The following RHOD variants were observed in gnomAD, a reference collection of about 807,000 sequenced individuals.
The protein encoded by RHOD is ras homolog family member D, also known as rho-related GTP-binding protein RhoD.
Under a neutral mutation model 16.7 loss-of-function variants are expected in RHOD, and 11 were observed. That is an observed-to-expected ratio of 0.66 (90% confidence interval 0.41 to 1.09). The LOEUF is 1.09. Ranked by LOEUF, RHOD falls within the 50% of genes least tolerant of loss-of-function variation. RHOD has a pLI of 0.00. For synonymous variants in RHOD, 124 were observed against 126.3 expected (o/e 0.98, Z 0.12); for missense variants, 271 against 291.7 (o/e 0.93, Z 0.52).
intron 1 of RHOD, among the ~76,000 whole-genome samples, chr11:67,061,776 G>A (rs565790267): frequency 2.9e-3 from 343 of 117,444 alleles, no homozygotes; most frequent in African/African-American, 6.1e-3. Context: ...ATATATATAT[G>A]TGTGTGTGTG....
At chr11:67,066,522 C>T (rs1229973574) in intron 2 of RHOD, among the ~76,000 whole-genome samples, 1 of 152,270 alleles carries the variant, frequency 6.6e-6, no homozygotes, top group African/African-American at 2.4e-5. Flanking sequence ...GCCCGTCATC[C>T]CTTCCAGACA....
chr11:67,065,776 C>A, intron 1 of RHOD, 120 bp from the exon 2 acceptor site: 1 of 651,630 alleles, frequency 1.5e-6, no homozygotes, highest in Non-Finnish European at 2.7e-6. Context: ...AAGGAGGAGG[C>A]TTCTCACAAA....
At chr11:67,058,018 A>G (rs1273913976) in intron 1 of RHOD, among the ~76,000 whole-genome samples, 2 of 151,828 alleles carry the variant, frequency 1.3e-5, no homozygotes, top group African/African-American at 4.8e-5. Context: ...TTTTTTGAGA[A>G]GAGTCTCACT....
In RHOD at chr11:67,059,500, G is replaced by A. The variant is rs1194530890; in HGVS notation, c.132+2466G>A. Reference sequence around the variant, plus strand: ...GGAGGTTGCAGTGAACCGAGATCGCGCCATTGCACTCCAGCTCGGGGACAA... The same window carrying A: ...GGAGGTTGCAGTGAACCGAGATCGCACCATTGCACTCCAGCTCGGGGACAA... On this transcript the variant is annotated intron_variant, in intron 1 of 4. Transcript: ENST00000308831. Among the ~76,000 whole-genome samples, 6 of 152,004 alleles carry A rather than the reference G, an allele frequency of 3.9e-5. 1 individual carries two copies. Among genetic ancestry groups the A allele is most frequent in the Middle Eastern group, 3.4e-3 (1 of 292 alleles).
At chr11:67,064,832 C>T (rs1590670694) in intron 1 of RHOD, among the ~76,000 whole-genome samples, 1 of 152,122 alleles carries the variant, frequency 6.6e-6, no homozygotes, top group East Asian at 1.9e-4. Context: ...TTGCTTGAGC[C>T]CAGGAGTTTG....
chr11:67,067,654 G>A (rs1453391151), intron 3 of RHOD, among the ~76,000 whole-genome samples: 1 of 152,178 alleles, frequency 6.6e-6, no homozygotes, highest in East Asian at 1.9e-4. Flanking sequence ...TGGGTACCAG[G>A]AGAGATGGTG....
intron 3 of RHOD, among the ~76,000 whole-genome samples, chr11:67,068,129 G>GGTGGAGTTGCA (rs1383895211): frequency 1.3e-5 from 2 of 152,210 alleles, no homozygotes; most frequent in Non-Finnish European, 2.9e-5. Flanking sequence ...GCAGCTGGAA[G>GGTGGAGTTGCA]GTGGAGTTGC....
intron 1 of RHOD, 74 bp from the exon 2 acceptor site, chr11:67,065,822 C>G: frequency 1.1e-6 from 1 of 951,132 alleles, no homozygotes; most frequent in East Asian, 2.5e-5. Context: ...GAGGGAGCAG[C>G]GCTGTGGACA....
intron 2 of RHOD, 28 bp downstream of exon 2, chr11:67,066,011 G>GTT: frequency 1.0e-6 from 1 of 997,596 alleles, no homozygotes; most frequent in Non-Finnish European, 1.6e-6. Context: ...GGGCAGGGTG[G>GTT]GAGGGGCTTC....
At chr11:67,061,536 G>C (rs895525160) in intron 1 of RHOD, among the ~76,000 whole-genome samples, 1 of 151,570 alleles carries the variant, frequency 6.6e-6, no homozygotes, top group Non-Finnish European at 1.5e-5. Flanking sequence ...GGAGGCTGAG[G>C]CAGGAGAATC....
rs548657118 is a variant in RHOD, at chr11:67,056,989, G to A, written c.87G>A (p.Gly29=). 1.1e-5 allele frequency: 16 copies of A among 1,509,806 alleles called. No homozygotes were observed. In the South Asian group the frequency reaches 2.0e-4, roughly 19 times the overall value. 93.5% of individuals were successfully genotyped at this position (1,509,806 alleles called of 1,614,324 possible). ...TCCTGGTGGGCGACGGCGGCTGCGG[G>A]AAGACGTCGCTGCTGATGGTCTTCG... ...KVVLVGDGGC[G]KTSLLMVFAD... Residue 29 remains glycine (G), a synonymous_variant, in exon 1 of 5, where the codon GGG becomes GGA. Transcript: ENST00000308831.
rs184999192 is a variant in RHOD, at chr11:67,057,179, C to A, written c.132+145C>A. On this transcript the variant is annotated intron_variant, in intron 1 of 4. Transcript: ENST00000308831. Reference sequence around the variant, plus strand: ...CCTGGGGTCCAGGGCAGAGTTCTTCCGCCCCAGCCATTGGGAATGAAGGCC... The same window carrying A: ...CCTGGGGTCCAGGGCAGAGTTCTTCAGCCCCAGCCATTGGGAATGAAGGCC... 84 of 1,021,890 alleles carry A rather than the reference C, an allele frequency of 8.2e-5. No homozygotes were observed. The African/African-American group carries it at 1.4e-3, about 17-fold the overall frequency. The allele number at this position is 1,021,890 out of a possible 1,614,324, so 63.3% of individuals were successfully genotyped here. A position where few individuals can be genotyped will look rare whatever the true frequency, so the allele number is the denominator to read the frequency against.
Position 67,071,703 on chromosome 11 carries a change from C to A in RHOD, c.*101C>A, listed in dbSNP as rs927370391. 2.4e-6 allele frequency: 3 copies of A among 1,230,912 alleles called. No homozygotes were observed. The African/African-American group carries it at 4.6e-5, about 19-fold the overall frequency. 76.2% of individuals were successfully genotyped at this position (1,230,912 alleles called of 1,614,324 possible). On this transcript the variant is annotated 3_prime_UTR_variant, in exon 5 of 5. Transcript: ENST00000308831. Reference sequence around the variant, plus strand: ...GTCCCTAGGCTGTGACCGCCGAACTCCACTGCAACAGACGGGCGCCACCAA... The same window carrying A: ...GTCCCTAGGCTGTGACCGCCGAACTACACTGCAACAGACGGGCGCCACCAA...
rs548305069 is a variant in RHOD at position 67,065,190 on chromosome 11, C to G, written c.133-706C>G. 1.2e-4 allele frequency among the ~76,000 whole-genome samples: 19 copies of G among 152,228 alleles called. No individual in the cohort carries two copies. In the East Asian group the frequency reaches 3.7e-3, roughly 29 times the overall value. On this transcript the variant is annotated intron_variant, in intron 1 of 4. Coordinates refer to ENST00000308831, the MANE Select transcript of RHOD (RefSeq NM_014578.4). ...TCCCGGGTTCAAGCTATTCCCCTGC[C>G]TCAGCCTCCCAAGTAGCTAGGATTA...
At chr11:67,058,549 G>T (rs1008554627) in intron 1 of RHOD, among the ~76,000 whole-genome samples, 1 of 152,150 alleles carries the variant, frequency 6.6e-6, no homozygotes, top group African/African-American at 2.4e-5. Context: ...GGCCTCAAGC[G>T]ATCTGCCCGC....
intron 1 of RHOD, among the ~76,000 whole-genome samples, chr11:67,063,508 T>TAAAAAA (rs58807370): frequency 0.086 from 11,274 of 131,428 alleles, 755 homozygotes; most frequent in African/African-American, 0.18. Context: ...TTTTTTTTTT[T>TAAAAAA]AAAAAAAGGC....
chr11:67,069,507 C>T (rs1207455859), intron 3 of RHOD, among the ~76,000 whole-genome samples: 3 of 151,152 alleles, frequency 2.0e-5, no homozygotes, highest in African/African-American at 7.3e-5. Context: ...TACAGGTGCA[C>T]GCCACCACGC....
intron 3 of RHOD, among the ~76,000 whole-genome samples, chr11:67,069,742 G>C (rs979818591): frequency 6.6e-6 from 1 of 151,284 alleles, no homozygotes; most frequent in Non-Finnish European, 1.5e-5. Flanking sequence ...GCCCAGGCTG[G>C]AATGCAGTGG....
chr11:67,066,722 C>T lies in RHOD; in HGVS notation c.221-16C>T, dbSNP rs1399875329. 1 of 1,539,608 alleles carries T rather than the reference C, an allele frequency of 6.5e-7. No individual in the cohort carries two copies. Among genetic ancestry groups the T allele is most frequent in the African/African-American group, 1.4e-5 (1 of 73,956 alleles). ...CCAGGAGCCCTGAAGGCAGTGACCA[C>T]CTCCACTCTGCCCAGGGCAAGATGA... On this transcript the variant is annotated splice_polypyrimidine_tract_variant and intron_variant, in intron 2 of 4. Transcript: ENST00000308831.
Sources: allele counts gnomAD v4.1 joint callset (sites outside exome capture counted in the v4.1 genomes callset), GRCh38; gene constraint gnomAD v4.1.1; transcripts MANE v1.5; gene names NCBI Gene and HGNC (gene_info 2026-07-23, HGNC 2026-07-21).